DPP10: variants seen among roughly 807,000 people sequenced by gnomAD.
DPP10 encodes the protein inactive dipeptidyl peptidase 10.
In DPP10, 33 loss-of-function variants were observed where a neutral mutation model predicts 120.9. The ratio of observed to expected loss-of-function variants is 0.27; its 90% CI spans 0.21 to 0.37. The LOEUF (loss-of-function observed/expected upper bound fraction) is 0.37, where lower values mean the gene tolerates loss of function less well. Among genes scored for constraint, DPP10 ranks in the 10% least tolerant of loss-of-function variants. The pLI, the probability that DPP10 is intolerant of heterozygous loss-of-function variation, is 1.00. For synonymous variants in DPP10, 337 were observed against 326.1 expected, an observed-to-expected ratio of 1.03 and a Z score of -0.36; for missense variants, 816 against 942.8, an observed-to-expected ratio of 0.87 and a Z score of 1.76.
chr2:115,720,787 A>G (rs990908878), intron 7 of DPP10, among the ~76,000 whole-genome samples: 3 of 152,202 alleles, frequency 2.0e-5, no homozygotes, highest in Non-Finnish European at 4.4e-5. Context: ...TCTTAAAGAC[A>G]TTGATAAACT....
intron 1 of DPP10, among the ~76,000 whole-genome samples, chr2:114,451,088 T>C: frequency 6.7e-6 from 1 of 149,060 alleles, no homozygotes; most frequent in Non-Finnish European, 1.5e-5. Flanking sequence ...ATCGGCCCTT[T>C]ATTTGATTTT....
chr2:114,448,477 T>C (rs1395287175), intron 1 of DPP10, among the ~76,000 whole-genome samples: 1 of 152,134 alleles, frequency 6.6e-6, no homozygotes, highest in Non-Finnish European at 1.5e-5. Context: ...AAGATAGTGG[T>C]TATCAAAGTG....
intron 1 of DPP10, among the ~76,000 whole-genome samples, chr2:114,728,673 G>C (rs1676588018): frequency 6.6e-6 from 1 of 152,074 alleles, no homozygotes; most frequent in Admixed American, 6.6e-5. Flanking sequence ...CTACTCTACA[G>C]GGTAAAATTA....
intron 1 of DPP10, among the ~76,000 whole-genome samples, chr2:114,831,174 A>G (rs1392488153): frequency 6.6e-6 from 1 of 151,820 alleles, no homozygotes. Context: ...TTAATGTTGT[A>G]ATTATAACAT....
At chr2:115,783,615 A>G (rs1038303088) in intron 17 of DPP10, among the ~76,000 whole-genome samples, 3 of 152,214 alleles carry the variant, frequency 2.0e-5, no homozygotes, top group Admixed American at 1.3e-4. Flanking sequence ...AAGATGGTTT[A>G]GCACACATTT....
chr2:115,444,379 A>G (rs1221274637), intron 3 of DPP10, among the ~76,000 whole-genome samples: 1 of 152,204 alleles, frequency 6.6e-6, no homozygotes, highest in African/African-American at 2.4e-5. Context: ...TGCACTTTCC[A>G]AAGATCTTTG....
intron 5 of DPP10, among the ~76,000 whole-genome samples, chr2:115,632,631 T>A (rs2085971304): frequency 1.3e-5 from 2 of 152,152 alleles, no homozygotes; most frequent in Admixed American, 1.3e-4. Context: ...AAATTCTGGG[T>A]TGGAAATTCT....
intron 1 of DPP10, among the ~76,000 whole-genome samples, chr2:115,194,841 ACT>A (rs1256566191): frequency 9.2e-5 from 14 of 152,108 alleles, no homozygotes; most frequent in African/African-American, 3.4e-4. Flanking sequence ...GTAGGAGATT[ACT>A]CTGTGTTTCA....
At chr2:114,644,944 T>C (rs1696004810) in intron 1 of DPP10, among the ~76,000 whole-genome samples, 1 of 151,906 alleles carries the variant, frequency 6.6e-6, no homozygotes. Flanking sequence ...ACACAAAGTT[T>C]TCTCCCTCCT....
chr2:115,473,424 T>A (rs899911956), intron 3 of DPP10, among the ~76,000 whole-genome samples: 3 of 152,160 alleles, frequency 2.0e-5, no homozygotes, highest in South Asian at 4.1e-4. Flanking sequence ...TTGATGCTAG[T>A]CAATGAGTGA....
At chr2:114,789,838 G>A (rs1434253482) in intron 1 of DPP10, among the ~76,000 whole-genome samples, 8 of 152,176 alleles carry the variant, frequency 5.3e-5, no homozygotes, top group Non-Finnish European at 1.2e-4. Flanking sequence ...GAGCACCAGA[G>A]AAGAATAAAT....
chr2:114,797,913 A>G (rs1028384929), intron 1 of DPP10, among the ~76,000 whole-genome samples: 1 of 152,194 alleles, frequency 6.6e-6, no homozygotes, highest in Non-Finnish European at 1.5e-5. Flanking sequence ...GGTAAATACT[A>G]CCTTAACCAA....
rs116293956 is a variant in DPP10, at chr2:115,093,849, T to C, written c.61-215390T>C. ...TCATGACAGTGTAATGATTCCATCTTGTGTCTTTGTGTAGGCACATGTGTG... is the reference window on the plus strand; with the variant it reads ...TCATGACAGTGTAATGATTCCATCTCGTGTCTTTGTGTAGGCACATGTGTG... On this transcript the variant is annotated intron_variant, in intron 1 of 25. Coordinates refer to ENST00000410059, the MANE Select transcript of DPP10 (RefSeq NM_020868.6). 3.6e-3 allele frequency among the ~76,000 whole-genome samples: 551 copies of C among 152,264 alleles called. 2 individuals are homozygous for C. The highest frequency in any genetic ancestry group is 0.013 in the African/African-American group (535 of 41,584).
chr2:115,799,012 A>G (rs1684858596), intron 19 of DPP10, among the ~76,000 whole-genome samples: 1 of 152,130 alleles, frequency 6.6e-6, no homozygotes, highest in Non-Finnish European at 1.5e-5. Context: ...GAGGAAGCAT[A>G]ATCAATTGGA....
At chr2:115,765,757 A>T (rs1680630941) in intron 12 of DPP10, among the ~76,000 whole-genome samples, 1 of 152,168 alleles carries the variant, frequency 6.6e-6, no homozygotes, top group African/African-American at 2.4e-5. Context: ...AAATAGAATT[A>T]TTGACTTTAT....
chr2:114,863,426 A>T (rs182067259), intron 1 of DPP10, among the ~76,000 whole-genome samples: 1 of 152,294 alleles, frequency 6.6e-6, no homozygotes, highest in Non-Finnish European at 1.5e-5. Flanking sequence ...GAAGTATCAG[A>T]CGTCGTGTTC....
At chr2:115,593,378 A>G (rs1277955242) in intron 5 of DPP10, among the ~76,000 whole-genome samples, 1 of 152,212 alleles carries the variant, frequency 6.6e-6, no homozygotes, top group Non-Finnish European at 1.5e-5. Flanking sequence ...TCTGGATTGT[A>G]ATTTGGACCA....
intron 1 of DPP10, among the ~76,000 whole-genome samples, chr2:115,180,681 T>C (rs912550335): frequency 3.3e-5 from 5 of 152,206 alleles, no homozygotes; most frequent in African/African-American, 1.2e-4. Flanking sequence ...TGCCCCTGAA[T>C]ACATCTAACC....
At chr2:115,053,578 A>G (rs754071626) in intron 1 of DPP10, among the ~76,000 whole-genome samples, 2 of 152,220 alleles carry the variant, frequency 1.3e-5, no homozygotes, top group Non-Finnish European at 2.9e-5. Flanking sequence ...ACTAAAGACC[A>G]CTGAATTTTA....
Sources: allele counts gnomAD v4.1 joint callset (sites outside exome capture counted in the v4.1 genomes callset), GRCh38; gene constraint gnomAD v4.1.1; transcripts MANE v1.5; gene names NCBI Gene and HGNC (gene_info 2026-07-23, HGNC 2026-07-21).